LUZP2: variants seen among roughly 807,000 people sequenced by gnomAD.
LUZP2 encodes leucine zipper protein 2.
A neutral mutation model predicts 51.6 loss-of-function variants in LUZP2; 52 were observed. The ratio of observed to expected loss-of-function variants is 1.01; its 90% CI spans 0.81 to 1.27. The LOEUF is 1.27. LUZP2 is among the 50% of genes most tolerant of loss of function. The pLI, the probability that LUZP2 is intolerant of heterozygous loss-of-function variation, is 0.00. For missense variants in LUZP2, 436 were observed against 395.4 expected (o/e 1.10, Z -0.87); for synonymous variants, 154 against 137.3 (o/e 1.12, Z -0.85).
intron 8 of LUZP2, among the ~76,000 whole-genome samples, chr11:24,979,714 A>G (rs1240305641): frequency 6.6e-6 from 1 of 151,830 alleles, no homozygotes; most frequent in Non-Finnish European, 1.5e-5. Context: ...AGCTACTGGA[A>G]TATAAAAGAA....
chr11:24,691,136 A>T (rs374959645), intron 1 of LUZP2, among the ~76,000 whole-genome samples: 72 of 152,116 alleles, frequency 4.7e-4, no homozygotes, highest in African/African-American at 1.7e-3. Context: ...AACAAACAAC[A>T]TGTGTATTGC....
chr11:24,595,845 A>G (rs1211053689), intron 1 of LUZP2, among the ~76,000 whole-genome samples: 1 of 152,182 alleles, frequency 6.6e-6, no homozygotes, highest in Non-Finnish European at 1.5e-5. Context: ...CTTACATTCA[A>G]CATAGGACAA....
rs7928301 is a variant in LUZP2 at position 24,943,496 on chromosome 11, G to A, written c.522+28958G>A. Among the ~76,000 whole-genome samples the A allele has an allele frequency of 8.8e-3, 1,345 of 152,264 alleles. 15 individuals carry two copies. The highest frequency in any genetic ancestry group is 0.031 in the African/African-American group (1,278 of 41,546). On this transcript the variant is annotated intron_variant, in intron 7 of 11. Coordinates refer to ENST00000336930, the MANE Select transcript of LUZP2 (RefSeq NM_001009909.4). ...GCTGGGATCTACTGCGGTTATTTGA[G>A]TGTCAGTCACCTTTTCCTGTAGGAC...
chr11:24,711,067 G>T (rs1373001009), intron 1 of LUZP2, among the ~76,000 whole-genome samples: 1 of 152,132 alleles, frequency 6.6e-6, no homozygotes, highest in Admixed American at 6.6e-5. Context: ...AGCATCTAAA[G>T]GGGGAACTGG....
chr11:24,773,191 A>G (rs2134056100), intron 5 of LUZP2, among the ~76,000 whole-genome samples: 1 of 151,570 alleles, frequency 6.6e-6, no homozygotes, highest in African/African-American at 2.4e-5. Flanking sequence ...ATTTATCTGT[A>G]TATTTATTTC....
chr11:24,991,242 A>C (rs1856325295), intron 9 of LUZP2, among the ~76,000 whole-genome samples: 1 of 151,856 alleles, frequency 6.6e-6, no homozygotes, highest in Admixed American at 6.6e-5. Context: ...TTCCTGAGTT[A>C]CTTCACTTAG....
intron 9 of LUZP2, among the ~76,000 whole-genome samples, chr11:25,008,524 G>A (rs182596870): frequency 2.0e-5 from 3 of 152,172 alleles, no homozygotes; most frequent in Admixed American, 2.0e-4. Context: ...TCCTCCATTT[G>A]CAGCTTGGTG....
intron 1 of LUZP2, among the ~76,000 whole-genome samples, chr11:24,697,720 C>G (rs552166429): frequency 2.4e-4 from 36 of 152,252 alleles, no homozygotes; most frequent in African/African-American, 8.2e-4. Flanking sequence ...AAGCAATAAC[C>G]AGCCATTGTT....
chr11:24,667,332 T>C (rs1206985462), intron 1 of LUZP2, among the ~76,000 whole-genome samples: 1 of 151,860 alleles, frequency 6.6e-6, no homozygotes, highest in East Asian at 1.9e-4. Context: ...TACAGACATG[T>C]GCCACCATGC....
chr11:24,933,946 T>C (rs1349062392), intron 7 of LUZP2, among the ~76,000 whole-genome samples: 2 of 152,232 alleles, frequency 1.3e-5, no homozygotes, highest in African/African-American at 4.8e-5. Flanking sequence ...TATTACAAAG[T>C]ACCTTCTTAA....
intron 1 of LUZP2, among the ~76,000 whole-genome samples, chr11:24,508,512 T>A (rs961382380): frequency 6.6e-6 from 1 of 152,136 alleles, no homozygotes; most frequent in Non-Finnish European, 1.5e-5. Context: ...GGCTGTTTTT[T>A]AAAAAATACC....
chr11:24,784,687 G>A (rs528482916), intron 5 of LUZP2, among the ~76,000 whole-genome samples: 2 of 151,952 alleles, frequency 1.3e-5, no homozygotes, highest in Non-Finnish European at 2.9e-5. Context: ...AGTAAAACAA[G>A]GCAATAGTGA....
chr11:24,599,630 AG>A (rs2133859253), intron 1 of LUZP2, among the ~76,000 whole-genome samples: 1 of 152,258 alleles, frequency 6.6e-6, no homozygotes, highest in East Asian at 1.9e-4. Context: ...TCACATCTGT[AG>A]TATTTTGGTT....
At chr11:24,566,902 GTTATA>G in intron 1 of LUZP2, among the ~76,000 whole-genome samples, 1 of 4,298 alleles carries the variant, frequency 2.3e-4, no homozygotes, top group South Asian at 8.6e-3. Flanking sequence ...ATTTATATAT[GTTATA>G]TATATATATA....
chr11:24,540,481 A>C (rs1000584167), intron 1 of LUZP2, among the ~76,000 whole-genome samples: 2 of 152,210 alleles, frequency 1.3e-5, no homozygotes, highest in African/African-American at 4.8e-5. Context: ...GCAAGAACCA[A>C]GACTAAGACA....
chr11:25,010,254 T>C (rs1031543986), intron 9 of LUZP2, among the ~76,000 whole-genome samples: 4 of 152,172 alleles, frequency 2.6e-5, no homozygotes, highest in African/African-American at 9.7e-5. Context: ...CTAAAATAAG[T>C]GTATTAATAA....
intron 7 of LUZP2, among the ~76,000 whole-genome samples, chr11:24,936,620 T>A (rs1854595740): frequency 6.6e-6 from 1 of 152,036 alleles, no homozygotes. Flanking sequence ...TATACCTACC[T>A]GCTTGCCACA....
intron 5 of LUZP2, among the ~76,000 whole-genome samples, chr11:24,846,475 A>T (rs1399305271): frequency 6.6e-6 from 1 of 152,158 alleles, no homozygotes; most frequent in Non-Finnish European, 1.5e-5. Flanking sequence ...GTATGCCAAT[A>T]CATTCACCTT....
intron 7 of LUZP2, among the ~76,000 whole-genome samples, chr11:24,975,066 T>G (rs1030506251): frequency 6.6e-6 from 1 of 152,012 alleles, no homozygotes; most frequent in Non-Finnish European, 1.5e-5. Context: ...ATTTAAAATA[T>G]TAATATGTTG....
Sources: gnomAD v4.1 joint callset for allele counts (sites outside exome capture counted in the v4.1 genomes callset) on GRCh38, gnomAD v4.1.1 for gene constraint, MANE v1.5 for transcripts, NCBI Gene and HGNC (gene_info 2026-07-23, HGNC 2026-07-21) for gene names.